The following ECPAS variants were observed in gnomAD, a reference collection of about 807,000 sequenced individuals.
ECPAS encodes proteasome adapter and scaffold protein ECM29.
In ECPAS, 70 loss-of-function variants were observed where a neutral mutation model predicts 255.1. The observed-to-expected ratio is 0.27, with a 90% confidence interval of 0.23 to 0.33. The LOEUF (loss-of-function observed/expected upper bound fraction) is 0.33, where lower values mean the gene tolerates loss of function less well. Ranked by LOEUF, ECPAS falls within the 10% of genes least tolerant of loss-of-function variation. ECPAS has a pLI of 1.00. For missense variants in ECPAS, 1,817 were observed against 2,206.4 expected (o/e 0.82, Z 3.54); for synonymous variants, 784 against 775.0 (o/e 1.01, Z -0.19).
At chr9:111,424,128 T>C (rs2098218126) in intron 12 of ECPAS, among the ~76,000 whole-genome samples, 1 of 152,138 alleles carries the variant, frequency 6.6e-6, no homozygotes, top group African/African-American at 2.4e-5. Context: ...ATCTGAGTGG[T>C]CCCCTAGATC....
chr9:111,411,036 T>C lies in ECPAS; in HGVS notation c.2321A>G (p.Asn774Ser). ...RMSEQQDLER[N>S]ADTLPDQEEL... ...CTCTTGATCAGGGAGGGTGTCAGCA[T>C]TTCTCTCCAGGTCTTGTTGCTCTGA... The change falls in exon 22 of 50, where the codon AAT (asparagine) becomes AGT (serine). Residue 774 changes from asparagine (N) to serine (S), a missense_variant. By Grantham distance (46) the Asn-to-Ser change is conservative. Transcript: ENST00000684092. The C allele has an allele frequency of 1.2e-6, 2 of 1,613,946 alleles. No individual in the cohort carries two copies. Among genetic ancestry groups the C allele is most frequent in the Non-Finnish European group, 1.7e-6 (2 of 1,179,854 alleles).
intron 24 of ECPAS, 94 bp downstream of exon 24, chr9:111,408,477 A>G (rs1186781085): frequency 1.4e-6 from 1 of 703,818 alleles, no homozygotes; most frequent in Non-Finnish European, 2.3e-6. Context: ...TGCTTAATTA[A>G]AAATCTCACA....
intron 3 of ECPAS, among the ~76,000 whole-genome samples, chr9:111,448,279 TACAG>T (rs1261484807): frequency 1.3e-5 from 2 of 151,982 alleles, no homozygotes; most frequent in Non-Finnish European, 2.9e-5. Context: ...TACTAAGAGA[TACAG>T]ACAAAGTAAA....
chr9:111,466,712 AG>A (rs760459434), intron 2 of ECPAS, among the ~76,000 whole-genome samples: 1 of 152,044 alleles, frequency 6.6e-6, no homozygotes, highest in Non-Finnish European at 1.5e-5. Flanking sequence ...GCAGTGATGC[AG>A]TTACAGCTCA....
chr9:111,427,129 A>T (rs1039124242), intron 10 of ECPAS, among the ~76,000 whole-genome samples: 4 of 150,668 alleles, frequency 2.7e-5, no homozygotes, highest in African/African-American at 9.8e-5. Context: ...ACTGCACTCC[A>T]GCCTGAGCAA....
intron 6 of ECPAS, among the ~76,000 whole-genome samples, chr9:111,439,941 A>G (rs2098243499): frequency 6.6e-6 from 1 of 152,186 alleles, no homozygotes; most frequent in Admixed American, 6.6e-5. Flanking sequence ...TATTGCAGCA[A>G]CAAAGAAGAG....
intron 12 of ECPAS, among the ~76,000 whole-genome samples, chr9:111,423,990 C>T (rs1322136845): frequency 6.6e-6 from 1 of 152,172 alleles, no homozygotes; most frequent in African/African-American, 2.4e-5. Flanking sequence ...GGTAAGGGGA[C>T]TCACACCCTG....
At chr9:111,466,266 T>G (rs935516810) in intron 2 of ECPAS, among the ~76,000 whole-genome samples, 5 of 151,774 alleles carry the variant, frequency 3.3e-5, no homozygotes, top group African/African-American at 1.2e-4. Flanking sequence ...GCCAACATGG[T>G]GAAACCCATG....
intron 2 of ECPAS, among the ~76,000 whole-genome samples, chr9:111,453,215 C>CA (rs1314478239): frequency 2.0e-5 from 3 of 152,002 alleles, no homozygotes; most frequent in African/African-American, 7.3e-5. Flanking sequence ...CCACTGCACT[C>CA]CAGCATGGGT....
chr9:111,394,564 G>A (rs1182383421), intron 25 of ECPAS, among the ~76,000 whole-genome samples: 1 of 152,064 alleles, frequency 6.6e-6, no homozygotes, highest in Non-Finnish European at 1.5e-5. Flanking sequence ...TCTAGTGTCA[G>A]CAATTTTTGT....
intron 6 of ECPAS, among the ~76,000 whole-genome samples, chr9:111,439,064 AG>A (rs1252235922): frequency 6.6e-6 from 1 of 152,190 alleles, no homozygotes; most frequent in African/African-American, 2.4e-5. Context: ...TACATGAAAT[AG>A]GTCTCGACTA....
chr9:111,477,415 T>C (rs979688175), intron 1 of ECPAS, among the ~76,000 whole-genome samples: 11 of 152,090 alleles, frequency 7.2e-5, no homozygotes, highest in East Asian at 3.9e-4. Flanking sequence ...CCAGCCCTGA[T>C]TGCCACATCT....
Position 111,433,282 on chromosome 9 carries a change from G to A in ECPAS, c.799C>T (p.Arg267Cys). 5.0e-6 allele frequency: 8 copies of A among 1,613,868 alleles called. No homozygotes were observed. The highest frequency in any genetic ancestry group is 1.1e-5 in the South Asian group (1 of 91,080). ...TCTGCTGCCGTTGCCACACTGTGGC[G>A]TGTATCACTAGAGGCAATCACCAAG... ...LHLVIASSDTRHSVATAADLE... is the reference protein window; with the variant it reads ...LHLVIASSDTCHSVATAADLE... Residue 267 changes from arginine to cysteine, a missense_variant, in exon 8 of 50, where the codon CGC becomes TGC. Transcript: ENST00000684092.
chr9:111,366,120 C>G, intron 48 of ECPAS, 119 bp downstream of exon 48: 1 of 647,254 alleles, frequency 1.5e-6, no homozygotes, highest in Admixed American at 2.8e-5. Flanking sequence ...TAATAAGTAG[C>G]AGAGTCCAGT....
intron 12 of ECPAS, among the ~76,000 whole-genome samples, chr9:111,425,184 C>T (rs1274433614): frequency 6.8e-6 from 1 of 145,988 alleles, no homozygotes; most frequent in Non-Finnish European, 1.5e-5. Flanking sequence ...AAAACTCCAT[C>T]TCAAAAAAAA....
intron 17 of ECPAS, among the ~76,000 whole-genome samples, chr9:111,416,706 T>C (rs2098204118): frequency 6.6e-6 from 1 of 152,166 alleles, no homozygotes; most frequent in Admixed American, 6.5e-5. Context: ...AAATAGACTG[T>C]GCTGCTATGT....
chr9:111,458,417 C>T (rs977203929), intron 2 of ECPAS, among the ~76,000 whole-genome samples: 37 of 152,156 alleles, frequency 2.4e-4, no homozygotes, highest in Admixed American at 2.3e-3. Context: ...GCACTAAACC[C>T]TTGGGATTTC....
At chr9:111,436,017 A>C (rs373445326) in intron 7 of ECPAS, among the ~76,000 whole-genome samples, 20 of 150,366 alleles carry the variant, frequency 1.3e-4, no homozygotes, top group African/African-American at 4.6e-4. Flanking sequence ...TCTTACTTAC[A>C]TAATAGTTTA....
chr9:111,361,953 C>T lies in ECPAS; in HGVS notation c.*77G>A. 6.6e-7 allele frequency: 1 copy of T among 1,510,226 alleles called. No individual in the cohort carries two copies. Among genetic ancestry groups the T allele is most frequent in the Non-Finnish European group, 8.9e-7 (1 of 1,121,056 alleles). 93.6% of individuals were successfully genotyped at this position (1,510,226 alleles called of 1,614,324 possible). A position where few individuals can be genotyped will look rare whatever the true frequency, so the allele number is the denominator to read the frequency against. On this transcript the variant is annotated 3_prime_UTR_variant, in exon 50 of 50. Transcript: ENST00000684092. ...GCTACAGATTAATCTTTACTTTTTC[C>T]CACTTGGTTTTTCAAAGAACACCAC...
Sources: gnomAD v4.1 joint callset for allele counts (sites outside exome capture counted in the v4.1 genomes callset) on GRCh38, gnomAD v4.1.1 for gene constraint, MANE v1.5 for transcripts, NCBI Gene and HGNC (gene_info 2026-07-23, HGNC 2026-07-21) for gene names.